UBXN2A: variants seen among roughly 807,000 people sequenced by gnomAD.
The protein encoded by UBXN2A is UBX domain-containing protein 2A.
UBXN2A carries 28 observed loss-of-function variants against 28.4 expected under a neutral mutation model. The observed-to-expected ratio is 0.99, with a 90% CI of 0.73 to 1.35. UBXN2A has a LOEUF of 1.35. Among genes scored for constraint, UBXN2A ranks in the 40% most tolerant of loss-of-function variants. The pLI is 0.00. For synonymous variants in UBXN2A, 97 were observed against 103.6 expected (o/e 0.94, Z 0.39); for missense variants, 253 against 297.9 (o/e 0.85, Z 1.11).
chr2:23,977,258 C>CT (rs1182859452), intron 4 of UBXN2A, 183 bp downstream of exon 4: 3 of 392,940 alleles, frequency 7.6e-6, no homozygotes, highest in Non-Finnish European at 1.4e-5. Context: ...ACTTGGGAGA[C>CT]TGAGGCTACA....
chr2:23,987,506 C>T (rs773677430), intron 6 of UBXN2A, among the ~76,000 whole-genome samples: 2 of 152,044 alleles, frequency 1.3e-5, no homozygotes, highest in African/African-American at 4.8e-5. Context: ...GGACCTGGCA[C>T]GGTGGCTCAC....
chr2:23,979,073 G>T (rs1019926118), intron 4 of UBXN2A, among the ~76,000 whole-genome samples: 1 of 152,016 alleles, frequency 6.6e-6, no homozygotes, highest in Non-Finnish European at 1.5e-5. Context: ...AGCCAGGCAT[G>T]GTGGCTCATA....
chr2:23,983,890 G>A (rs777240458), intron 5 of UBXN2A, among the ~76,000 whole-genome samples: 3 of 152,126 alleles, frequency 2.0e-5, no homozygotes, highest in Non-Finnish European at 4.4e-5. Flanking sequence ...TGGCCAGGCT[G>A]GTCTTGAACT....
At chr2:23,984,551 C>A in intron 5 of UBXN2A, 122 bp from the exon 6 acceptor site, 1 of 793,220 alleles carries the variant, frequency 1.3e-6, no homozygotes, top group Non-Finnish European at 1.8e-6. Flanking sequence ...TGAAGAAACA[C>A]ATATAACTTA....
In UBXN2A at chr2:23,999,814, A is replaced by C; in HGVS notation, c.727A>C (p.Ile243Leu). Residue 243 changes from isoleucine (I) to leucine (L), a missense_variant, in exon 7 of 7, where the codon ATC becomes CTC. Coordinates refer to ENST00000309033, the MANE Select transcript of UBXN2A (RefSeq NM_181713.4). ...AGAAGCAGATTTACAGAATGCTGTC[A>C]TCATTCAGAGACTCCAAAAAACTGC... Reference protein sequence around the residue: ...LEEADLQNAVIIQRLQKTASF... With the variant: ...LEEADLQNAVLIQRLQKTASF... 6.2e-7 allele frequency: 1 copy of C among 1,614,148 alleles called. No individual in the cohort carries two copies. Among genetic ancestry groups the C allele is most frequent in the Non-Finnish European group, 8.5e-7 (1 of 1,180,028 alleles).
At chr2:23,928,314 G>A (rs1705201298) in intron 1 of UBXN2A, among the ~76,000 whole-genome samples, 1 of 152,172 alleles carries the variant, frequency 6.6e-6, no homozygotes, top group South Asian at 2.1e-4. Context: ...CCGGGCTTAC[G>A]CCTGTAATCC....
chr2:23,960,657 G>T (rs1487869742), intron 2 of UBXN2A, among the ~76,000 whole-genome samples: 1 of 152,038 alleles, frequency 6.6e-6, no homozygotes, highest in Non-Finnish European at 1.5e-5. Flanking sequence ...TTTTGAGACG[G>T]AATCTCACTC....
intron 2 of UBXN2A, among the ~76,000 whole-genome samples, chr2:23,962,806 A>C (rs1049423494): frequency 6.6e-6 from 1 of 151,922 alleles, no homozygotes; most frequent in African/African-American, 2.4e-5. Flanking sequence ...GGGTTTCTCC[A>C]TGTTGGTCAG....
At chr2:23,932,005 C>G (rs867157320) in intron 1 of UBXN2A, among the ~76,000 whole-genome samples, 2 of 143,766 alleles carry the variant, frequency 1.4e-5, no homozygotes. Flanking sequence ...AGCGAGACTC[C>G]GTCTCAAAAA....
At chr2:23,966,606 C>G (rs1707182013) in intron 2 of UBXN2A, among the ~76,000 whole-genome samples, 2 of 149,274 alleles carry the variant, frequency 1.3e-5, no homozygotes, top group Non-Finnish European at 3.0e-5. Context: ...GCGCCCGCCA[C>G]CACACCTGGC....
intron 4 of UBXN2A, among the ~76,000 whole-genome samples, chr2:23,981,904 A>G (rs1707925120): frequency 6.6e-6 from 1 of 152,090 alleles, no homozygotes; most frequent in Non-Finnish European, 1.5e-5. Context: ...AAGAAACTCA[A>G]ATTATTTATT....
chr2:23,955,876 C>G (rs901225831), intron 1 of UBXN2A, among the ~76,000 whole-genome samples: 9 of 152,198 alleles, frequency 5.9e-5, no homozygotes, highest in Non-Finnish European at 1.5e-5. Context: ...GATAATGCCA[C>G]ATTACTGTGA....
At chr2:23,980,806 T>C (rs929599734) in intron 4 of UBXN2A, among the ~76,000 whole-genome samples, 1 of 152,166 alleles carries the variant, frequency 6.6e-6, no homozygotes, top group Non-Finnish European at 1.5e-5. Flanking sequence ...TTTTGTTTTT[T>C]AGTAGAGGCA....
chr2:23,971,968 A>G (rs1479528690), intron 3 of UBXN2A, among the ~76,000 whole-genome samples: 1 of 151,988 alleles, frequency 6.6e-6, no homozygotes, highest in Admixed American at 6.6e-5. Context: ...GCGTGGTGCC[A>G]TGTGCCTGTA....
At chr2:23,969,959 T>TTTTAA (rs1707345534) in intron 2 of UBXN2A, among the ~76,000 whole-genome samples, 1 of 152,192 alleles carries the variant, frequency 6.6e-6, no homozygotes, top group African/African-American at 2.4e-5. Context: ...AAAAAACGCA[T>TTTTAA]AGTAATCCCT....
chr2:23,952,611 A>C (rs1340422567), intron 1 of UBXN2A, among the ~76,000 whole-genome samples: 1 of 151,736 alleles, frequency 6.6e-6, no homozygotes, highest in East Asian at 1.9e-4. Flanking sequence ...CGCCTGGCTA[A>C]TTTTTTGTGT....
chr2:23,960,416 G>C (rs1207699914), intron 2 of UBXN2A, among the ~76,000 whole-genome samples: 1 of 152,106 alleles, frequency 6.6e-6, no homozygotes, highest in Non-Finnish European at 1.5e-5. Flanking sequence ...AATTAACTTA[G>C]AACAGGCCTG....
intron 1 of UBXN2A, among the ~76,000 whole-genome samples, chr2:23,942,001 C>G (rs1010823484): frequency 9.2e-5 from 14 of 152,048 alleles, no homozygotes; most frequent in Non-Finnish European, 1.8e-4. Context: ...TAGCTTGAGC[C>G]GGCGAGAGGT....
rs562673724 is a variant in UBXN2A at position 23,985,107 on chromosome 2, A to T, written c.584+276A>T. Among the ~76,000 whole-genome samples, 26 of 151,886 alleles carry T rather than the reference A, an allele frequency of 1.7e-4. No individual in the cohort carries two copies. The East Asian group carries it at 4.8e-3, about 28-fold the overall frequency. ...TTTTTATTTATTGCCAGCTAATTTT[A>T]AAAATTGTTTTGTAGAAAGGGAGTC... is the stretch of plus-strand genomic sequence containing the variant. On this transcript the variant is annotated intron_variant, in intron 6 of 6. Coordinates refer to ENST00000309033, the MANE Select transcript of UBXN2A (RefSeq NM_181713.4).
Sources: gnomAD v4.1 joint callset for allele counts (sites outside exome capture counted in the v4.1 genomes callset) on GRCh38, gnomAD v4.1.1 for gene constraint, MANE v1.5 for transcripts, NCBI Gene and HGNC (gene_info 2026-07-23, HGNC 2026-07-21) for gene names.